The following PCDHA4 variants were observed in gnomAD, a reference collection of about 807,000 sequenced individuals.
PCDHA4 encodes protocadherin alpha-4.
A neutral mutation model predicts 61.4 loss-of-function variants in PCDHA4; 49 were observed. That is an observed-to-expected ratio of 0.80 (90% CI 0.63 to 1.01). PCDHA4 has a LOEUF of 1.01. Ranked by LOEUF, PCDHA4 falls within the 50% of genes least tolerant of loss-of-function variation. The probability of loss-of-function intolerance (pLI) is 0.00; values close to 1 mark genes in which losing one functional copy is unlikely to be tolerated. For missense variants in PCDHA4, 1,254 were observed against 1,235.8 expected (o/e 1.01, Z -0.22); for synonymous variants, 590 against 550.3 (o/e 1.07, Z -1.01).
At chr5:140,969,249 ACAG>A in intron 1 of PCDHA4, 1 of 1,614,240 alleles carries the variant, frequency 6.2e-7, no homozygotes, top group Non-Finnish European at 8.5e-7. Flanking sequence ...GCAGTGACTG[ACAG>A]CAGGAATCTC....
At chr5:140,892,721 T>A (rs1554185338) in intron 1 of PCDHA4, among the ~76,000 whole-genome samples, 1 of 152,226 alleles carries the variant, frequency 6.6e-6, no homozygotes, top group Admixed American at 6.5e-5. Flanking sequence ...ATTCATAATC[T>A]CAAACATTTA....
Position 140,807,961 on chromosome 5 carries a change from A to G in PCDHA4, c.774A>G (p.Gly258=). 1 of 1,614,080 alleles carries G rather than the reference A, an allele frequency of 6.2e-7. No homozygotes were observed. The highest frequency in any genetic ancestry group is 8.5e-7 in the Non-Finnish European group (1 of 1,179,940). ...GATTACTAGAAAATGTTCCTAATGGAACATTGGTAATTAAACTTAACGCCT... is the reference window on the plus strand; with the variant it reads ...GATTACTAGAAAATGTTCCTAATGGGACATTGGTAATTAAACTTAACGCCT... ...KVRLLENVPN[G]TLVIKLNASD... The change falls in exon 1 of 4, where the codon GGA becomes GGG. Residue 258 remains glycine (G), a synonymous_variant. Coordinates refer to ENST00000530339, the MANE Select transcript of PCDHA4 (RefSeq NM_018907.4).
chr5:140,814,647 C>T (rs1426131751), intron 1 of PCDHA4: 29 of 151,982 alleles, frequency 1.9e-4, no homozygotes, highest in Non-Finnish European at 2.5e-4. Context: ...TTTGTTTACA[C>T]CAACATCACC....
chr5:140,919,933 T>C (rs2153555434), intron 1 of PCDHA4, among the ~76,000 whole-genome samples: 1 of 152,222 alleles, frequency 6.6e-6, no homozygotes. Flanking sequence ...AGGTGGGGGC[T>C]AATTCCAGTG....
At position 140,807,983 on chromosome 5, in the gene PCDHA4, G is replaced by T. The variant is rs782039700; in HGVS notation, c.796G>T (p.Ala266Ser). The T allele has an allele frequency of 6.2e-7, 1 of 1,613,482 alleles. No individual in the cohort carries two copies. Among genetic ancestry groups the T allele is most frequent in the Non-Finnish European group, 8.5e-7 (1 of 1,179,448 alleles). Residue 266 changes from alanine to serine, a missense_variant, in exon 1 of 4, where the codon GCC becomes TCC. Coordinates refer to ENST00000530339, the MANE Select transcript of PCDHA4 (RefSeq NM_018907.4). ...PNGTLVIKLN[A>S]SDLDEGLNGD... ...TGGAACATTGGTAATTAAACTTAACGCCTCAGATTTAGACGAAGGATTGAA... is the reference window on the plus strand; with the variant it reads ...TGGAACATTGGTAATTAAACTTAACTCCTCAGATTTAGACGAAGGATTGAA...
intron 1 of PCDHA4, among the ~76,000 whole-genome samples, chr5:140,918,659 G>A (rs1584109247): frequency 6.6e-6 from 1 of 152,172 alleles, no homozygotes; most frequent in Non-Finnish European, 1.5e-5. Context: ...TTCTCATGTT[G>A]ATGGTATGAA....
intron 1 of PCDHA4, chr5:140,843,178 C>T (rs1188166294): frequency 6.3e-7 from 1 of 1,595,986 alleles, no homozygotes; most frequent in Non-Finnish European, 8.6e-7. Context: ...GCAGCCCTCG[C>T]ATCCCGTTCC....
chr5:140,938,443 A>C (rs1324427427), intron 1 of PCDHA4, among the ~76,000 whole-genome samples: 1 of 152,180 alleles, frequency 6.6e-6, no homozygotes, highest in African/African-American at 2.4e-5. Context: ...AGATTTATTA[A>C]GTTCCCTTTG....
intron 1 of PCDHA4, chr5:140,870,883 C>T: frequency 1.9e-6 from 3 of 1,613,920 alleles, no homozygotes; most frequent in Middle Eastern, 1.6e-4. Flanking sequence ...GGCGAAGGTG[C>T]GCGCAGTGGA....
intron 1 of PCDHA4, chr5:140,867,337 G>A (rs1299796408): frequency 6.6e-6 from 1 of 152,004 alleles, no homozygotes; most frequent in African/African-American, 2.4e-5. Flanking sequence ...GTTTTGATTA[G>A]AGGCTACTAT....
chr5:140,878,079 T>C (rs1453461494), intron 1 of PCDHA4: 1 of 346,026 alleles, frequency 2.9e-6, no homozygotes, highest in Non-Finnish European at 4.9e-6. Context: ...TTTTCTATAA[T>C]ATTTTATATG....
Position 140,857,175 on chromosome 5 carries a change from A to G in PCDHA4, c.2385+47603A>G, listed in dbSNP as rs149086377. ...ATTGCCCTAATCAGCGTTTCTGACC[A>G]TGATTCAGGAGCCAACGGACAGGTC... On this transcript the variant is annotated intron_variant, in intron 1 of 3. Transcript: ENST00000530339. 1.1e-5 allele frequency: 18 copies of G among 1,598,338 alleles called. No homozygotes were observed. The African/African-American group carries it at 1.3e-4, about 12-fold the overall frequency.
intron 1 of PCDHA4, chr5:140,883,985 G>A (rs782534317): frequency 1.2e-6 from 2 of 1,612,814 alleles, no homozygotes; most frequent in Admixed American, 1.7e-5. Context: ...GGCTGGCAGC[G>A]CGGGAGGCAC....
chr5:140,903,346 A>G (rs76789733), intron 1 of PCDHA4, among the ~76,000 whole-genome samples: 12,326 of 152,302 alleles, frequency 0.081, 540 homozygotes, highest in Middle Eastern at 0.13. Context: ...TGCATTTTAA[A>G]AAACAAGTTT....
Position 140,808,736 on chromosome 5 carries a change from G to T in PCDHA4, c.1549G>T (p.Val517Leu). The T allele has an allele frequency of 6.2e-7, 1 of 1,612,192 alleles. No individual in the cohort carries two copies. The highest frequency in any genetic ancestry group is 8.5e-7 in the Non-Finnish European group (1 of 1,179,810). ...YVSVHAESGKVYALQPLDHEE... is the reference protein window; with the variant it reads ...YVSVHAESGKLYALQPLDHEE... ...TTCGGTGCATGCGGAGAGCGGCAAG[G>T]TGTACGCGCTGCAGCCGCTGGACCA... Residue 517 changes from valine to leucine, a missense_variant, in exon 1 of 4, where the codon GTG (valine) becomes TTG (leucine). Physicochemically the swap from Val to Leu is conservative, Grantham distance 32. Coordinates refer to ENST00000530339, the MANE Select transcript of PCDHA4 (RefSeq NM_018907.4).
chr5:140,967,907 A>C (rs1311525554), intron 1 of PCDHA4: 1 of 1,614,180 alleles, frequency 6.2e-7, no homozygotes, highest in Non-Finnish European at 8.5e-7. Flanking sequence ...TGCTACACCC[A>C]ACACCATTGT....
chr5:140,850,923 A>AT lies in PCDHA4; in HGVS notation c.2385+41359dup, dbSNP rs2150502772. On this transcript the variant is annotated intron_variant, in intron 1 of 3. Coordinates refer to ENST00000530339, the MANE Select transcript of PCDHA4 (RefSeq NM_018907.4). ...TTCTAGCATTTTATTTATTTATATA[A>AT]TTTTTTTTCTTGAAAGATATTATCG... 4.0e-5 allele frequency: 61 copies of AT among 1,521,758 alleles called. 2 individuals are homozygous for AT. Among genetic ancestry groups the AT allele is most frequent in the Middle Eastern group, 2.1e-4 (1 of 4,736 alleles). The allele number at this position is 1,521,758 out of a possible 1,614,324, so 94.3% of individuals were successfully genotyped here. A position where few individuals can be genotyped will look rare whatever the true frequency, so the allele number is the denominator to read the frequency against.
intron 1 of PCDHA4, among the ~76,000 whole-genome samples, chr5:140,872,922 T>C (rs1468048382): frequency 6.6e-6 from 1 of 152,218 alleles, no homozygotes; most frequent in African/African-American, 2.4e-5. Flanking sequence ...ATGCCTTATC[T>C]CTAATGTTTT....
chr5:140,911,974 A>C (rs1471523711), intron 1 of PCDHA4, among the ~76,000 whole-genome samples: 3 of 152,212 alleles, frequency 2.0e-5, no homozygotes, highest in African/African-American at 4.8e-5. Flanking sequence ...GTATTAACTC[A>C]CATGATCACA....
Sources: gnomAD v4.1 joint callset for allele counts (sites outside exome capture counted in the v4.1 genomes callset) on GRCh38, gnomAD v4.1.1 for gene constraint, MANE v1.5 for transcripts, NCBI Gene and HGNC (gene_info 2026-07-23, HGNC 2026-07-21) for gene names.